The following MARCHF5 variants were observed in gnomAD, a reference collection of about 807,000 sequenced individuals.
The protein encoded by MARCHF5 is E3 ubiquitin-protein ligase MARCHF5.
In MARCHF5, 5 loss-of-function variants were observed where a neutral mutation model predicts 36.5. The ratio of observed to expected loss-of-function variants is 0.14; its 90% CI spans 0.07 to 0.29. The LOEUF is 0.29. Among genes scored for constraint, MARCHF5 ranks in the 10% least tolerant of loss-of-function variants. MARCHF5 has a pLI of 1.00. For missense variants in MARCHF5, 179 were observed against 336.3 expected (o/e 0.53, Z 3.66); for synonymous variants, 103 against 109.9 (o/e 0.94, Z 0.39).
At chr10:92,347,616 C>T (rs1414618283) in intron 3 of MARCHF5, among the ~76,000 whole-genome samples, 3 of 152,098 alleles carry the variant, frequency 2.0e-5, no homozygotes, top group Non-Finnish European at 4.4e-5. Flanking sequence ...CTAACTTTTG[C>T]TACCATTATG....
chr10:92,347,072 G>C (rs928194697), intron 3 of MARCHF5, among the ~76,000 whole-genome samples: 11 of 152,172 alleles, frequency 7.2e-5, no homozygotes, highest in African/African-American at 2.7e-4. Flanking sequence ...AGCCAGACGT[G>C]GTGGCACTCA....
chr10:92,296,552 C>G (rs1426535038), intron 1 of MARCHF5, among the ~76,000 whole-genome samples: 1 of 152,166 alleles, frequency 6.6e-6, no homozygotes, highest in African/African-American at 2.4e-5. Context: ...TTATAACAAA[C>G]TGCAGGAATG....
At chr10:92,350,133 G>T in intron 5 of MARCHF5, 1 of 277,910 alleles carries the variant, frequency 3.6e-6, no homozygotes, top group Non-Finnish European at 6.7e-6. Flanking sequence ...CAGACCACCT[G>T]GTTCAAATCC....
At chr10:92,346,304 A>G (rs1214259970) in intron 3 of MARCHF5, among the ~76,000 whole-genome samples, 1 of 152,062 alleles carries the variant, frequency 6.6e-6, no homozygotes, top group African/African-American at 2.4e-5. Flanking sequence ...TCTCACTTTC[A>G]AAAGACATCT....
intron 3 of MARCHF5, among the ~76,000 whole-genome samples, chr10:92,341,453 T>TA (rs952485058): frequency 6.6e-6 from 1 of 151,624 alleles, no homozygotes; most frequent in Non-Finnish European, 1.5e-5. Flanking sequence ...AAATAAAAAT[T>TA]AAAAAAAAGG....
At chr10:92,350,005 G>A (rs774927330) in intron 5 of MARCHF5, 168 bp downstream of exon 5, 70 of 600,402 alleles carry the variant, frequency 1.2e-4, no homozygotes, top group Non-Finnish European at 1.8e-4. Flanking sequence ...AAAAAGAGGA[G>A]AAACCACTGC....
intron 2 of MARCHF5, among the ~76,000 whole-genome samples, chr10:92,323,164 C>G (rs562536164): frequency 3.3e-5 from 5 of 152,180 alleles, no homozygotes; most frequent in African/African-American, 9.7e-5. Context: ...GCGTCAGTAT[C>G]CTGGTTAGCT....
chr10:92,339,326 C>T (rs540385291), intron 2 of MARCHF5, among the ~76,000 whole-genome samples: 1 of 152,162 alleles, frequency 6.6e-6, no homozygotes, highest in African/African-American at 2.4e-5. Flanking sequence ...ACCAAGATCC[C>T]ACCATTGCAC....
intron 1 of MARCHF5, among the ~76,000 whole-genome samples, chr10:92,305,407 C>CAA (rs11415965): frequency 1.3e-4 from 18 of 136,034 alleles, no homozygotes; most frequent in Admixed American, 6.5e-4. Context: ...ACTCCGTCTC[C>CAA]AAAAAAAAAA....
At chr10:92,350,181 A>C in intron 5 of MARCHF5, 1 of 218,906 alleles carries the variant, frequency 4.6e-6, no homozygotes, top group Non-Finnish European at 9.0e-6. Context: ...TCTAAATCAA[A>C]TGTCTGGACT....
chr10:92,319,698 A>G (rs1176590161), intron 2 of MARCHF5, among the ~76,000 whole-genome samples: 1 of 150,094 alleles, frequency 6.7e-6, no homozygotes, highest in African/African-American at 2.5e-5. Flanking sequence ...TCTGTTGCCC[A>G]GGTTGGAGTG....
chr10:92,322,799 A>G (rs1843306711), intron 2 of MARCHF5, among the ~76,000 whole-genome samples: 2 of 148,678 alleles, frequency 1.3e-5, no homozygotes, highest in Admixed American at 6.7e-5. Context: ...GTGCAGTGGC[A>G]TGATCTCAGC....
At chr10:92,304,085 A>C (rs1843045964) in intron 1 of MARCHF5, among the ~76,000 whole-genome samples, 1 of 152,170 alleles carries the variant, frequency 6.6e-6, no homozygotes, top group South Asian at 2.1e-4. Context: ...GAATCTTAAG[A>C]TCTTAAGTAG....
intron 2 of MARCHF5, among the ~76,000 whole-genome samples, chr10:92,321,648 G>A (rs1367436175): frequency 6.6e-6 from 1 of 151,978 alleles, no homozygotes; most frequent in Non-Finnish European, 1.5e-5. Flanking sequence ...TTAAATGTTT[G>A]GGAGCAGTGA....
chr10:92,310,985 T>C (rs2798254), intron 1 of MARCHF5, 150 bp from the exon 2 acceptor site: 236,647 of 600,848 alleles, frequency 0.39, 50,774 homozygotes, highest in South Asian at 0.56. Flanking sequence ...TGGGAATGTA[T>C]TGGTTGTTTT....
Position 92,342,481 on chromosome 10 carries a change from A to G in MARCHF5, c.369+1678A>G, listed in dbSNP as rs79063623. Among the ~76,000 whole-genome samples the G allele has an allele frequency of 2.2e-3, 341 of 152,186 alleles. 1 individual carries two copies. The highest frequency in any genetic ancestry group is 8.0e-3 in the African/African-American group (331 of 41,524). ...TATTTTATAGCCTTCTATTCAGTCC[A>G]CTGACCAAATACAAGCAGTTTTTCC... On this transcript the variant is annotated intron_variant, in intron 3 of 5. Transcript: ENST00000358935.
Position 92,294,458 on chromosome 10 carries a change from C to A in MARCHF5, c.35+2929C>A, listed in dbSNP as rs1842926703. On this transcript the variant is annotated intron_variant, in intron 1 of 5. Coordinates refer to ENST00000358935, the MANE Select transcript of MARCHF5 (RefSeq NM_017824.5). The stretch of plus-strand genomic sequence containing the variant: ...TCTACTTTATGTTTACAGCTTTCTT[C>A]ACCTGGGCTGGCCCTACTGCAAGTT... Among the ~76,000 whole-genome samples, 3 of 152,164 alleles carry A rather than the reference C, an allele frequency of 2.0e-5. No homozygotes were observed. In the South Asian group the frequency reaches 6.2e-4, roughly 32 times the overall value.
chr10:92,333,562 T>C, intron 2 of MARCHF5: 1 of 730,656 alleles, frequency 1.4e-6, no homozygotes. Context: ...ATAAAGGATA[T>C]TGAGACAACT....
intron 2 of MARCHF5, among the ~76,000 whole-genome samples, chr10:92,326,586 A>C (rs936907646): frequency 3.3e-5 from 5 of 152,212 alleles, no homozygotes; most frequent in African/African-American, 1.2e-4. Flanking sequence ...ATGATGTGTA[A>C]GTAACAAAAA....
Sources: allele counts gnomAD v4.1 joint callset (sites outside exome capture counted in the v4.1 genomes callset), GRCh38; gene constraint gnomAD v4.1.1; transcripts MANE v1.5; gene names NCBI Gene and HGNC (gene_info 2026-07-23, HGNC 2026-07-21).